Variants in IGFBP7 observed in about 807,000 individuals in gnomAD.
The protein encoded by IGFBP7 is insulin-like growth factor-binding protein 7.
A neutral mutation model predicts 29.4 loss-of-function variants in IGFBP7; 31 were observed. That is an observed-to-expected ratio of 1.05 (90% confidence interval 0.79 to 1.42). The LOEUF (loss-of-function observed/expected upper bound fraction) is 1.42. Ranked by LOEUF, IGFBP7 falls within the 40% of genes most tolerant of loss-of-function variation. The pLI, the probability that IGFBP7 is intolerant of heterozygous loss-of-function variation, is 0.00. For missense variants in IGFBP7, 393 were observed against 395.5 expected, an observed-to-expected ratio of 0.99 and a Z score of 0.05; for synonymous variants, 172 against 174.9, an observed-to-expected ratio of 0.98 and a Z score of 0.13.
intron 2 of IGFBP7, among the ~76,000 whole-genome samples, chr4:57,036,997 A>C (rs536246538): frequency 6.6e-6 from 1 of 152,320 alleles, no homozygotes; most frequent in East Asian, 1.9e-4. Flanking sequence ...GTGACTTCCC[A>C]AGTTTCCTTA....
intron 1 of IGFBP7, among the ~76,000 whole-genome samples, chr4:57,042,468 G>A (rs1252149952): frequency 6.6e-6 from 1 of 152,190 alleles, no homozygotes; most frequent in Non-Finnish European, 1.5e-5. Flanking sequence ...CAATTCCCAT[G>A]ACTCAGTCTC....
At position 57,110,370 on chromosome 4, in the gene IGFBP7, C is replaced by A; in HGVS notation, c.-19G>T. On this transcript the variant is annotated 5_prime_UTR_variant, in exon 1 of 5. Coordinates refer to ENST00000295666, the MANE Select transcript of IGFBP7 (RefSeq NM_001553.3). ...GCTCCATGGCGGGGTGCGGTGGCAG[C>A]GGCAAGGGCGCGAGTGAGCCGTGTC... The A allele has an allele frequency of 7.5e-7, 1 of 1,326,442 alleles. No individual in the cohort carries two copies. The allele number at this position is 1,326,442 out of a possible 1,614,324, so 82.2% of individuals were successfully genotyped here. A position where few individuals can be genotyped will look rare whatever the true frequency, so the allele number is the denominator to read the frequency against.
chr4:57,094,005 T>G (rs775804909), intron 1 of IGFBP7, among the ~76,000 whole-genome samples: 2 of 151,796 alleles, frequency 1.3e-5, no homozygotes, highest in Non-Finnish European at 2.9e-5. Context: ...GGTTGAGGGG[T>G]GTGTGTGTGC....
chr4:57,045,734 C>CTTT (rs11423399), intron 1 of IGFBP7, among the ~76,000 whole-genome samples: 1 of 145,218 alleles, frequency 6.9e-6, no homozygotes, highest in Non-Finnish European at 1.5e-5. Flanking sequence ...GGAAAAACTC[C>CTTT]TTTTTTTTTT....
chr4:57,064,088 C>T (rs534851405), intron 1 of IGFBP7, among the ~76,000 whole-genome samples: 61 of 152,306 alleles, frequency 4.0e-4, no homozygotes, highest in African/African-American at 1.5e-3. Flanking sequence ...CCTGTAATCC[C>T]AGCACTTTGG....
intron 1 of IGFBP7, among the ~76,000 whole-genome samples, chr4:57,069,809 G>A (rs572353822): frequency 6.6e-6 from 1 of 152,316 alleles, no homozygotes; most frequent in South Asian, 2.1e-4. Context: ...GGGGTCAGGT[G>A]CGGTGGCTCC....
intron 1 of IGFBP7, among the ~76,000 whole-genome samples, chr4:57,091,389 A>G (rs778943880): frequency 3.3e-5 from 5 of 152,160 alleles, no homozygotes; most frequent in African/African-American, 7.2e-5. Context: ...ATGTGGGTAC[A>G]TGTGTGTGTG....
chr4:57,049,592 A>AT (rs1724454421), intron 1 of IGFBP7, among the ~76,000 whole-genome samples: 6 of 152,028 alleles, frequency 3.9e-5, no homozygotes, highest in Admixed American at 6.6e-5. Flanking sequence ...TCTCTTTGAC[A>AT]TTTTTTGCGG....
At chr4:57,079,169 TTG>T (rs2109784415) in intron 1 of IGFBP7, among the ~76,000 whole-genome samples, 1 of 152,272 alleles carries the variant, frequency 6.6e-6, no homozygotes, top group Non-Finnish European at 1.5e-5. Context: ...TGCTGTCTTC[TTG>T]TTAAACACGA....
intron 1 of IGFBP7, among the ~76,000 whole-genome samples, chr4:57,078,786 G>A (rs866119042): frequency 1.3e-5 from 2 of 151,860 alleles, no homozygotes; most frequent in African/African-American, 4.8e-5. Context: ...TACAGAGCCC[G>A]GAGCACAGTC....
chr4:57,092,487 A>G (rs537633765), intron 1 of IGFBP7, among the ~76,000 whole-genome samples: 11 of 152,268 alleles, frequency 7.2e-5, no homozygotes, highest in African/African-American at 2.6e-4. Context: ...ACAACTCTCA[A>G]TGGTCTCTAT....
intron 1 of IGFBP7, among the ~76,000 whole-genome samples, chr4:57,050,722 A>T (rs1237577107): frequency 3.6e-5 from 5 of 140,390 alleles, no homozygotes; most frequent in South Asian, 2.3e-4. Context: ...TTAAAAAAGA[A>T]TTTTTTTTTT....
chr4:57,031,007 C>T lies in IGFBP7; in HGVS notation c.*310G>A. 7.2e-7 allele frequency: 1 copy of T among 1,389,688 alleles called. No homozygotes were observed. The highest frequency in any genetic ancestry group is 1.0e-6 in the Non-Finnish European group (1 of 975,508). The allele number at this position is 1,389,688 out of a possible 1,614,324, so 86.1% of individuals were successfully genotyped here. Reference sequence around the variant, plus strand: ...TGTTTAGCTATTTTACAGGAGTCAACAAGATAATTAAATATCTTGGTGTCT... The same window carrying T: ...TGTTTAGCTATTTTACAGGAGTCAATAAGATAATTAAATATCTTGGTGTCT... On this transcript the variant is annotated 3_prime_UTR_variant, in exon 5 of 5. Transcript: ENST00000295666.
chr4:57,048,499 T>A (rs1005042982), intron 1 of IGFBP7, among the ~76,000 whole-genome samples: 1 of 152,236 alleles, frequency 6.6e-6, no homozygotes, highest in East Asian at 1.9e-4. Flanking sequence ...TGGATTTAAA[T>A]TTGGAGTATT....
At chr4:57,047,788 A>G (rs1724398274) in intron 1 of IGFBP7, among the ~76,000 whole-genome samples, 1 of 152,168 alleles carries the variant, frequency 6.6e-6, no homozygotes, top group Non-Finnish European at 1.5e-5. Flanking sequence ...AGGCTGGAGC[A>G]CAGTGGTGCG....
chr4:57,039,419 G>A (rs964039617), intron 2 of IGFBP7, among the ~76,000 whole-genome samples: 9 of 152,152 alleles, frequency 5.9e-5, no homozygotes, highest in African/African-American at 2.2e-4. Flanking sequence ...ACCCTTAGGG[G>A]ACATTTGGCA....
chr4:57,072,094 C>T (rs1023058717), intron 1 of IGFBP7, among the ~76,000 whole-genome samples: 2 of 152,084 alleles, frequency 1.3e-5, no homozygotes, highest in South Asian at 4.2e-4. Flanking sequence ...TTTCATCACC[C>T]AGGTATTAAG....
chr4:57,091,807 C>A (rs1725647120), intron 1 of IGFBP7, among the ~76,000 whole-genome samples: 2 of 152,170 alleles, frequency 1.3e-5, no homozygotes, highest in South Asian at 4.2e-4. Context: ...CAAGGCTTTG[C>A]CAGCCCTCTT....
chr4:57,086,196 G>A (rs1560505303), intron 1 of IGFBP7, among the ~76,000 whole-genome samples: 1 of 152,310 alleles, frequency 6.6e-6, no homozygotes, highest in East Asian at 1.9e-4. Context: ...ATCAGATCTC[G>A]TGAGACTTAC....
Sources: gnomAD v4.1 joint callset for allele counts (sites outside exome capture counted in the v4.1 genomes callset) on GRCh38, gnomAD v4.1.1 for gene constraint, MANE v1.5 for transcripts, NCBI Gene and HGNC (gene_info 2026-07-23, HGNC 2026-07-21) for gene names.